Variants in KATNIP observed in about 807,000 individuals in gnomAD.
KATNIP encodes the protein katanin-interacting protein.
KATNIP carries 126 observed loss-of-function variants against 174.0 expected under a neutral mutation model. The ratio of observed to expected loss-of-function variants is 0.72; its 90% CI spans 0.63 to 0.84. KATNIP has a LOEUF of 0.84. Ranked by LOEUF, KATNIP falls within the 40% of genes least tolerant of loss-of-function variation. The pLI, the probability that KATNIP is intolerant of heterozygous loss-of-function variation, is 0.00. For synonymous variants in KATNIP, 810 were observed against 835.7 expected (o/e 0.97, Z 0.53); for missense variants, 1,958 against 2,109.7 (o/e 0.93, Z 1.41).
At chr16:27,710,953 A>G (rs1168238181) in intron 13 of KATNIP, among the ~76,000 whole-genome samples, 2 of 152,212 alleles carry the variant, frequency 1.3e-5, no homozygotes, top group African/African-American at 4.8e-5. Flanking sequence ...GGCCTCAGCA[A>G]CTTGCCTGCC....
At chr16:27,767,174 C>T (rs2082155128) in intron 20 of KATNIP, among the ~76,000 whole-genome samples, 1 of 152,150 alleles carries the variant, frequency 6.6e-6, no homozygotes. Context: ...CAGCTAGGGC[C>T]CTACTATCAG....
intron 8 of KATNIP, among the ~76,000 whole-genome samples, chr16:27,686,574 T>C (rs2078533536): frequency 6.6e-6 from 1 of 152,236 alleles, no homozygotes; most frequent in Non-Finnish European, 1.5e-5. Context: ...TCCATTTATG[T>C]TTAATGTAAT....
At chr16:27,778,072 C>T (rs2082567345) in intron 27 of KATNIP, 103 bp downstream of exon 27, 1 of 980,722 alleles carries the variant, frequency 1.0e-6, no homozygotes, top group Non-Finnish European at 1.5e-6. Flanking sequence ...CTGCCTGCCC[C>T]TAGACCGCTC....
At chr16:27,615,110 G>A (rs1312161457) in intron 2 of KATNIP, among the ~76,000 whole-genome samples, 1 of 152,118 alleles carries the variant, frequency 6.6e-6, no homozygotes, top group Non-Finnish European at 1.5e-5. Context: ...CACTGCAGAT[G>A]CAGAGGAAGA....
intron 1 of KATNIP, among the ~76,000 whole-genome samples, chr16:27,553,241 A>G (rs1456269477): frequency 6.6e-6 from 1 of 152,252 alleles, no homozygotes; most frequent in East Asian, 1.9e-4. Flanking sequence ...ATTTGTTAAT[A>G]TCACCACCTA....
chr16:27,581,665 G>A (rs1354843269), intron 2 of KATNIP, among the ~76,000 whole-genome samples: 2 of 152,186 alleles, frequency 1.3e-5, no homozygotes, highest in African/African-American at 2.4e-5. Context: ...TAGTGGTGAT[G>A]TGTGAGATAT....
At chr16:27,563,208 G>A (rs188898384) in intron 1 of KATNIP, among the ~76,000 whole-genome samples, 2 of 152,294 alleles carry the variant, frequency 1.3e-5, no homozygotes, top group Admixed American at 1.3e-4. Flanking sequence ...GGAGGACTGA[G>A]GGCTGGGTCC....
chr16:27,723,471 G>T (rs1440212785), intron 14 of KATNIP, among the ~76,000 whole-genome samples: 2 of 151,036 alleles, frequency 1.3e-5, no homozygotes, highest in Admixed American at 6.6e-5. Flanking sequence ...AGCCAACCCT[G>T]CCCCCTGCCC....
At chr16:27,654,195 C>T (rs1463097445) in intron 6 of KATNIP, among the ~76,000 whole-genome samples, 3 of 152,000 alleles carry the variant, frequency 2.0e-5, no homozygotes, top group East Asian at 1.9e-4. Flanking sequence ...AGGCTAGTCT[C>T]GAACTCCTGA....
chr16:27,681,297 T>A, intron 7 of KATNIP, 102 bp from the exon 8 acceptor site: 1 of 1,439,032 alleles, frequency 6.9e-7, no homozygotes, highest in South Asian at 1.2e-5. Flanking sequence ...TCCGTAGACA[T>A]TTGTTGAATG....
intron 1 of KATNIP, among the ~76,000 whole-genome samples, chr16:27,571,943 A>G (rs1567447502): frequency 1.3e-5 from 2 of 152,330 alleles, no homozygotes; most frequent in African/African-American, 4.8e-5. Flanking sequence ...AGGTCCTGAT[A>G]AAATTGGCCT....
chr16:27,628,421 C>G (rs567284083), intron 3 of KATNIP, among the ~76,000 whole-genome samples: 1 of 152,366 alleles, frequency 6.6e-6, no homozygotes, highest in East Asian at 1.9e-4. Context: ...GTATTTGAGC[C>G]TCAGAATGAG....
intron 5 of KATNIP, among the ~76,000 whole-genome samples, chr16:27,641,165 C>A (rs1331896263): frequency 6.6e-6 from 1 of 151,754 alleles, no homozygotes; most frequent in African/African-American, 2.4e-5. Flanking sequence ...GAGAGAGAGA[C>A]CTGGGCTTTC....
chr16:27,658,955 C>T (rs139119745), intron 6 of KATNIP, among the ~76,000 whole-genome samples: 31 of 150,784 alleles, frequency 2.1e-4, no homozygotes, highest in East Asian at 2.0e-3. Flanking sequence ...CCAGTAGAGA[C>T]GGGGTTTCAC....
intron 8 of KATNIP, among the ~76,000 whole-genome samples, chr16:27,685,740 C>T (rs1319738083): frequency 3.3e-5 from 5 of 152,144 alleles, no homozygotes; most frequent in Non-Finnish European, 5.9e-5. Context: ...TAACATAAGT[C>T]AAATTTGAAG....
intron 18 of KATNIP, among the ~76,000 whole-genome samples, chr16:27,759,872 G>A (rs777598807): frequency 1.7e-4 from 26 of 152,224 alleles, no homozygotes; most frequent in South Asian, 6.2e-4. Flanking sequence ...GGACGAGCTT[G>A]TAGCCACTTT....
intron 6 of KATNIP, among the ~76,000 whole-genome samples, chr16:27,672,865 G>C (rs140500550): frequency 1.3e-5 from 2 of 152,160 alleles, no homozygotes; most frequent in African/African-American, 2.4e-5. Flanking sequence ...TGGGTTCAAG[G>C]GTCCTAATGC....
chr16:27,586,839 A>AC (rs2090916894), intron 2 of KATNIP, among the ~76,000 whole-genome samples: 1 of 151,548 alleles, frequency 6.6e-6, no homozygotes, highest in East Asian at 1.9e-4. Context: ...AAAAAAAAAA[A>AC]AACAAAAAAA....
chr16:27,581,400 G>C (rs938202283), intron 2 of KATNIP, among the ~76,000 whole-genome samples: 10 of 152,044 alleles, frequency 6.6e-5, no homozygotes, highest in Non-Finnish European at 1.0e-4. Flanking sequence ...GAAAGGGATA[G>C]AGCTATTTTT....
Sources: allele counts gnomAD v4.1 joint callset (sites outside exome capture counted in the v4.1 genomes callset), GRCh38; gene constraint gnomAD v4.1.1; transcripts MANE v1.5; gene names NCBI Gene and HGNC (gene_info 2026-07-23, HGNC 2026-07-21).